SNTB1: variants seen among roughly 807,000 people sequenced by gnomAD.
The protein encoded by SNTB1 is beta-1-syntrophin.
In SNTB1, 36 loss-of-function variants were observed where a neutral mutation model predicts 48.9. The observed-to-expected ratio is 0.74, with a 90% CI of 0.56 to 0.97. The LOEUF (loss-of-function observed/expected upper bound fraction) is 0.97, where lower values mean the gene tolerates loss of function less well. Among genes scored for constraint, SNTB1 ranks in the 50% least tolerant of loss-of-function variants. The pLI, the probability that SNTB1 is intolerant of heterozygous loss-of-function variation, is 0.00. For missense variants in SNTB1, 786 were observed against 703.4 expected, an observed-to-expected ratio of 1.12 and a Z score of -1.33; for synonymous variants, 299 against 294.6, an observed-to-expected ratio of 1.01 and a Z score of -0.15.
chr8:120,730,320 C>T (rs199591971), intron 1 of SNTB1, among the ~76,000 whole-genome samples: 6 of 151,904 alleles, frequency 3.9e-5, no homozygotes, highest in Non-Finnish European at 7.4e-5. Context: ...CCACCATGCC[C>T]GGCTAATTTT....
At chr8:120,803,954 T>C (rs71514723) in intron 1 of SNTB1, among the ~76,000 whole-genome samples, 2,082 of 152,284 alleles carry the variant, frequency 0.014, 31 homozygotes, top group Middle Eastern at 0.054. Flanking sequence ...CCTATACCTT[T>C]TGTAATCATG....
intron 2 of SNTB1, among the ~76,000 whole-genome samples, chr8:120,665,258 C>T (rs1045793544): frequency 2.6e-5 from 4 of 152,076 alleles, no homozygotes; most frequent in African/African-American, 9.7e-5. Flanking sequence ...TCAAGACCAG[C>T]CTGGCCAACA....
At chr8:120,699,008 G>T (rs766641824) in intron 1 of SNTB1, among the ~76,000 whole-genome samples, 1 of 152,176 alleles carries the variant, frequency 6.6e-6, no homozygotes, top group Non-Finnish European at 1.5e-5. Flanking sequence ...TTATTCATTT[G>T]TCAAAAGTCT....
At chr8:120,761,012 G>A (rs1819410108) in intron 1 of SNTB1, among the ~76,000 whole-genome samples, 2 of 152,126 alleles carry the variant, frequency 1.3e-5, no homozygotes, top group South Asian at 4.1e-4. Context: ...CAAAAGTTAA[G>A]CAGTCCGACA....
At chr8:120,736,046 A>C (rs999717072) in intron 1 of SNTB1, among the ~76,000 whole-genome samples, 4 of 152,110 alleles carry the variant, frequency 2.6e-5, no homozygotes, top group African/African-American at 9.7e-5. Context: ...GGCCTCAGGA[A>C]ATTTTCAATC....
intron 3 of SNTB1, among the ~76,000 whole-genome samples, chr8:120,624,130 G>T (rs1182784322): frequency 2.6e-5 from 4 of 152,222 alleles, no homozygotes; most frequent in Admixed American, 2.6e-4. Flanking sequence ...TAGACATGGG[G>T]TTTCACCATG....
chr8:120,602,445 T>A (rs10104248), intron 3 of SNTB1, among the ~76,000 whole-genome samples: 35,642 of 152,028 alleles, frequency 0.23, 4,276 homozygotes, highest in African/African-American at 0.29. Context: ...GTGGGCCTTG[T>A]CCAATCAGTT....
intron 1 of SNTB1, among the ~76,000 whole-genome samples, chr8:120,773,675 C>A (rs924695422): frequency 6.6e-6 from 1 of 152,114 alleles, no homozygotes; most frequent in East Asian, 1.9e-4. Flanking sequence ...AGATTACCGC[C>A]CAAACCCACT....
intron 3 of SNTB1, among the ~76,000 whole-genome samples, chr8:120,595,756 T>C (rs1816312920): frequency 6.6e-6 from 1 of 152,048 alleles, no homozygotes; most frequent in South Asian, 2.1e-4. Context: ...GCTAATTTTG[T>C]GTGTTTAGTA....
intron 1 of SNTB1, among the ~76,000 whole-genome samples, chr8:120,742,565 A>T (rs1367705199): frequency 2.0e-5 from 3 of 152,174 alleles, no homozygotes; most frequent in African/African-American, 4.8e-5. Flanking sequence ...CCTACAGCTG[A>T]AGGTACAGCA....
intron 1 of SNTB1, among the ~76,000 whole-genome samples, chr8:120,800,126 C>A (rs1030861919): frequency 6.6e-6 from 1 of 152,020 alleles, no homozygotes; most frequent in Admixed American, 6.6e-5. Flanking sequence ...GGCATCCTGG[C>A]AAGTTCCTTG....
intron 2 of SNTB1, among the ~76,000 whole-genome samples, chr8:120,682,880 G>GT (rs759021409): frequency 0.19 from 24,407 of 127,352 alleles, 4,704 homozygotes; most frequent in African/African-American, 0.48. Context: ...TTTGTTTTTA[G>GT]TTTTTTTTTT....
intron 1 of SNTB1, among the ~76,000 whole-genome samples, chr8:120,725,314 G>A (rs1033334843): frequency 1.3e-5 from 2 of 152,130 alleles, no homozygotes; most frequent in African/African-American, 4.8e-5. Flanking sequence ...AACCAGCTCA[G>A]TATTCATTCT....
intron 5 of SNTB1, among the ~76,000 whole-genome samples, chr8:120,544,205 T>A (rs1209303823): frequency 6.6e-6 from 1 of 152,244 alleles, no homozygotes; most frequent in Non-Finnish European, 1.5e-5. Context: ...CTTCAGATAT[T>A]CTGAATTAAC....
chr8:120,721,877 T>TCCCTCCCCCCCCCCCCC (rs1563580227), intron 1 of SNTB1, among the ~76,000 whole-genome samples: 1 of 142,186 alleles, frequency 7.0e-6, no homozygotes, highest in Non-Finnish European at 1.5e-5. Flanking sequence ...CCCAATGCTA[T>TCCCTCCCCCCCCCCCCC]CCCCTCCCCC....
chr8:120,633,385 C>G (rs1356365936), intron 2 of SNTB1, among the ~76,000 whole-genome samples: 1 of 152,122 alleles, frequency 6.6e-6, no homozygotes, highest in African/African-American at 2.4e-5. Context: ...GTGGGCAGAT[C>G]ACCTGAGGTC....
intron 1 of SNTB1, among the ~76,000 whole-genome samples, chr8:120,749,504 C>G (rs772318338): frequency 2.6e-5 from 4 of 152,056 alleles, no homozygotes; most frequent in Non-Finnish European, 5.9e-5. Context: ...ACTACAGCCT[C>G]TCTATGTATC....
chr8:120,652,795 G>A (rs1469395886), intron 2 of SNTB1, among the ~76,000 whole-genome samples: 2 of 152,154 alleles, frequency 1.3e-5, no homozygotes, highest in East Asian at 1.9e-4. Flanking sequence ...TGTCACTTAT[G>A]TTTTTAGCAT....
chr8:120,806,056 T>G (rs1285695028), intron 1 of SNTB1, among the ~76,000 whole-genome samples: 1 of 152,258 alleles, frequency 6.6e-6, no homozygotes, highest in Non-Finnish European at 1.5e-5. Context: ...TGTTAGCTAT[T>G]ATTACATTCG....
Sources: gnomAD v4.1 joint callset for allele counts (sites outside exome capture counted in the v4.1 genomes callset) on GRCh38, gnomAD v4.1.1 for gene constraint, MANE v1.5 for transcripts, NCBI Gene and HGNC (gene_info 2026-07-23, HGNC 2026-07-21) for gene names.